Variants in PDE1C observed in about 807,000 individuals in gnomAD.
PDE1C encodes the protein dual specificity calcium/calmodulin-dependent 3',5'-cyclic nucleotide phosphodiesterase 1C.
Under a neutral mutation model 93.1 loss-of-function variants are expected in PDE1C, and 62 were observed. The ratio of observed to expected loss-of-function variants is 0.67; its 90% confidence interval spans 0.54 to 0.82. The LOEUF is 0.82. Among genes scored for constraint, PDE1C ranks in the 40% least tolerant of loss-of-function variants. PDE1C has a pLI of 0.00. For missense variants in PDE1C, 742 were observed against 884.6 expected (o/e 0.84, Z 2.04); for synonymous variants, 325 against 310.1 (o/e 1.05, Z -0.50).
chr7:32,037,013 C>T (rs1262025792), intron 2 of PDE1C, among the ~76,000 whole-genome samples: 1 of 152,120 alleles, frequency 6.6e-6, no homozygotes, highest in African/African-American at 2.4e-5. Context: ...ACAGACAGAT[C>T]TAGATGGTTT....
chr7:31,981,353 G>T (rs2129059711), intron 2 of PDE1C, among the ~76,000 whole-genome samples: 1 of 152,216 alleles, frequency 6.6e-6, no homozygotes, highest in South Asian at 2.1e-4. Flanking sequence ...AGAATTTGAG[G>T]TTTGGTAGAT....
intron 1 of PDE1C, among the ~76,000 whole-genome samples, chr7:32,370,147 G>A (rs1399587893): frequency 1.3e-5 from 2 of 152,148 alleles, no homozygotes; most frequent in African/African-American, 4.8e-5. Flanking sequence ...ATACTATGCA[G>A]CCATAAAAAA....
intron 1 of PDE1C, among the ~76,000 whole-genome samples, chr7:32,259,575 T>C (rs17161105): frequency 0.14 from 21,158 of 152,130 alleles, 1,868 homozygotes; most frequent in African/African-American, 0.24. Flanking sequence ...TCTAATCCAG[T>C]TCTGGCTTAA....
intron 1 of PDE1C, among the ~76,000 whole-genome samples, chr7:32,259,733 G>C (rs1366611698): frequency 1.3e-5 from 2 of 152,294 alleles, no homozygotes; most frequent in South Asian, 2.1e-4. Context: ...TCTACCCTAT[G>C]ATGTTGCTAA....
At chr7:31,808,620 G>GA (rs1016124868) in intron 16 of PDE1C, among the ~76,000 whole-genome samples, 5 of 151,086 alleles carry the variant, frequency 3.3e-5, no homozygotes, top group South Asian at 2.1e-4. Flanking sequence ...CTAGTTCAAG[G>GA]AAAAAAAACA....
At chr7:32,404,115 C>T (rs1173750564) in intron 1 of PDE1C, among the ~76,000 whole-genome samples, 1 of 152,094 alleles carries the variant, frequency 6.6e-6, no homozygotes, top group Non-Finnish European at 1.5e-5. Flanking sequence ...AAGGAGTGGA[C>T]CTGAGACCTT....
the PDE1C span, among the ~76,000 whole-genome samples, chr7:31,661,536 A>AT: frequency 0.023 from 3,450 of 152,100 alleles, 136 homozygotes; most frequent in African/African-American, 0.078. Context: ...AACATGGTGA[A>AT]TCCCCATCTC....
At chr7:31,916,128 G>A (rs985419897) in intron 2 of PDE1C, among the ~76,000 whole-genome samples, 1 of 151,992 alleles carries the variant, frequency 6.6e-6, no homozygotes, top group Non-Finnish European at 1.5e-5. Flanking sequence ...ACCTTCCTAT[G>A]TTTGCCATTT....
rs910078847 is a variant in PDE1C at position 32,314,809 on chromosome 7, T to C, written c.311-105270A>G. 7.2e-5 allele frequency among the ~76,000 whole-genome samples: 11 copies of C among 151,964 alleles called. No individual in the cohort carries two copies. The South Asian group carries it at 1.9e-3, about 26-fold the overall frequency. On this transcript the variant is annotated intron_variant, in intron 1 of 1. Transcript: ENST00000672256. ...AGGGAACACAGACCTACAGAGTAGA[T>C]CCAGCTATTTGCTGAAATGACCTAT...
At chr7:32,012,535 T>A (rs1290337324) in intron 2 of PDE1C, among the ~76,000 whole-genome samples, 4 of 152,114 alleles carry the variant, frequency 2.6e-5, no homozygotes, top group Non-Finnish European at 1.5e-5. Flanking sequence ...TCAGAATCTG[T>A]GTATGTAAAA....
chr7:31,916,169 G>T (rs1182857373), intron 2 of PDE1C, among the ~76,000 whole-genome samples: 1 of 151,722 alleles, frequency 6.6e-6, no homozygotes, highest in Admixed American at 6.6e-5. Context: ...GATTTGGGGG[G>T]GTATCATGTA....
intron 1 of PDE1C, among the ~76,000 whole-genome samples, chr7:32,282,157 T>TA (rs34769998): frequency 0.41 from 54,501 of 134,552 alleles, 10,560 homozygotes; most frequent in East Asian, 0.55. Flanking sequence ...TAAAGTATAA[T>TA]AAAAAAAAAA....
intron 1 of PDE1C, among the ~76,000 whole-genome samples, chr7:32,246,019 G>T (rs1808913843): frequency 6.9e-6 from 1 of 144,124 alleles, no homozygotes; most frequent in South Asian, 2.2e-4. Flanking sequence ...ACCCAGATTG[G>T]AGTACGTGGT....
chr7:32,382,003 C>A (rs1163147506), intron 1 of PDE1C, among the ~76,000 whole-genome samples: 1 of 152,140 alleles, frequency 6.6e-6, no homozygotes, highest in African/African-American at 2.4e-5. Context: ...TAATTGAATT[C>A]TTGAAAGAGA....
chr7:32,106,182 TTTTA>T (rs936207985), intron 3 of PDE1C, among the ~76,000 whole-genome samples: 53 of 152,240 alleles, frequency 3.5e-4, no homozygotes, highest in Middle Eastern at 6.8e-3. Context: ...TCGGCTAATC[TTTTA>T]TTTATTTATT....
chr7:32,292,753 C>G (rs568012634), intron 1 of PDE1C, among the ~76,000 whole-genome samples: 3 of 152,166 alleles, frequency 2.0e-5, no homozygotes, highest in African/African-American at 7.2e-5. Flanking sequence ...TGCTGTGTTC[C>G]AAGCCAATCC....
chr7:32,290,776 T>A (rs777837807), intron 1 of PDE1C, among the ~76,000 whole-genome samples: 2 of 152,098 alleles, frequency 1.3e-5, no homozygotes, highest in Non-Finnish European at 2.9e-5. Context: ...TGGGAACACA[T>A]GGATCCATGA....
At position 32,417,319 on chromosome 7, in the gene PDE1C, G is replaced by C. The variant is rs184015804; in HGVS notation, c.310+10503C>G. On this transcript the variant is annotated intron_variant, in intron 1 of 1. Transcript: ENST00000672256. ...AACCAGTGATAACTGCTTAGCCTTA[G>C]TGGTAAGGAAGCCCTACTAAAAACA... is the stretch of plus-strand genomic sequence containing the variant. Among the ~76,000 whole-genome samples, 38 of 150,988 alleles carry C rather than the reference G, an allele frequency of 2.5e-4. No homozygotes were observed. In the East Asian group the frequency reaches 7.0e-3, roughly 28 times the overall value.
intron 1 of PDE1C, among the ~76,000 whole-genome samples, chr7:32,403,079 C>A (rs989579176): frequency 4.6e-5 from 7 of 152,184 alleles, no homozygotes; most frequent in Non-Finnish European, 7.3e-5. Context: ...TAATGAGTCC[C>A]AGCTTTTAAA....
Sources: gnomAD v4.1 joint callset for allele counts (sites outside exome capture counted in the v4.1 genomes callset) on GRCh38, gnomAD v4.1.1 for gene constraint, MANE v1.5 for transcripts, NCBI Gene and HGNC (gene_info 2026-07-23, HGNC 2026-07-21) for gene names.